Variants in IRAK1BP1 observed in about 807,000 individuals in gnomAD.
IRAK1BP1 encodes interleukin 1 receptor associated kinase 1 binding protein 1.
A neutral mutation model predicts 28.0 loss-of-function variants in IRAK1BP1; 24 were observed. That is an observed-to-expected ratio of 0.86 (90% CI 0.62 to 1.20). The LOEUF is 1.20. Among genes scored for constraint, IRAK1BP1 ranks in the 50% most tolerant of loss-of-function variants. The pLI is 0.00. For synonymous variants in IRAK1BP1, 131 were observed against 116.3 expected (o/e 1.13, Z -0.81); for missense variants, 336 against 316.7 (o/e 1.06, Z -0.46).
chr6:78,963,197 T>C, the IRAK1BP1 span: 1 of 1,610,716 alleles, frequency 6.2e-7, no homozygotes, highest in Non-Finnish European at 8.5e-7. Context: ...AGATTAGTGA[T>C]CTGCACTCAC....
rs537747033 is a variant in IRAK1BP1 at position 78,945,738 on chromosome 6, T to A, written c.*398T>A. The A allele has an allele frequency of 1.3e-4, 81 of 601,352 alleles. No homozygotes were observed. In the South Asian group the frequency reaches 1.7e-3, roughly 13 times the overall value. 37.3% of individuals were successfully genotyped at this position (601,352 alleles called of 1,614,324 possible). On this transcript the variant is annotated 3_prime_UTR_variant and NMD_transcript_variant, in exon 5 of 5. Transcript: ENST00000606868. ...ATTTCGAAGGCAAGTCTTGGCAAATTGCTAGCTAGTGTGGGTACTGTGATT... is the reference window on the plus strand; with the variant it reads ...ATTTCGAAGGCAAGTCTTGGCAAATAGCTAGCTAGTGTGGGTACTGTGATT...
At chr6:78,931,771 A>T (rs1273032718) in intron 4 of IRAK1BP1, among the ~76,000 whole-genome samples, 1 of 152,166 alleles carries the variant, frequency 6.6e-6, no homozygotes, top group Non-Finnish European at 1.5e-5. Flanking sequence ...TCTCGCTCCA[A>T]TGTTGATGCC....
intron 2 of IRAK1BP1, among the ~76,000 whole-genome samples, chr6:78,893,106 C>T (rs906625547): frequency 2.0e-5 from 3 of 150,666 alleles, no homozygotes; most frequent in Admixed American, 6.6e-5. Context: ...TGCACCAGTA[C>T]ACATTATAAT....
chr6:78,955,616 A>C, the IRAK1BP1 span: 2 of 960,518 alleles, frequency 2.1e-6, no homozygotes, highest in Non-Finnish European at 3.3e-6. Context: ...TACATACCTC[A>C]GAATCAGACA....
intron 4 of IRAK1BP1, among the ~76,000 whole-genome samples, chr6:78,934,778 C>A (rs150699408): frequency 6.6e-6 from 1 of 152,174 alleles, no homozygotes; most frequent in Non-Finnish European, 1.5e-5. Flanking sequence ...CTCTGAGATA[C>A]GACTTTGCTG....
intron 4 of IRAK1BP1, among the ~76,000 whole-genome samples, chr6:78,918,578 T>TAAAAA (rs58669467): frequency 0.078 from 5,202 of 66,622 alleles, 287 homozygotes; most frequent in Non-Finnish European, 0.088. Flanking sequence ...CCAAAAACAG[T>TAAAAA]AAAAAAAAAA....
downstream of IRAK1BP1, among the ~76,000 whole-genome samples, chr6:78,951,271 A>T (rs1382477927): frequency 6.6e-6 from 1 of 152,178 alleles, no homozygotes; most frequent in Non-Finnish European, 1.5e-5. Context: ...TTCTTGGCTC[A>T]TATCTTGGGC....
At position 78,902,890 on chromosome 6, in the gene IRAK1BP1, A is replaced by T. The variant is rs1168913320; in HGVS notation, c.*4556A>T. 6.1e-6 allele frequency: 4 copies of T among 654,640 alleles called. No homozygotes were observed. Among genetic ancestry groups the T allele is most frequent in the African/African-American group, 5.4e-5 (3 of 55,070 alleles). 40.6% of individuals were successfully genotyped at this position (654,640 alleles called of 1,614,324 possible). On this transcript the variant is annotated 3_prime_UTR_variant, in exon 4 of 4. Coordinates refer to ENST00000369940, the MANE Select transcript of IRAK1BP1 (RefSeq NM_001010844.4). ...TTCAAATCAGACACTGCTCTTCAAG[A>T]GAGGTAATATTAATAGAAATCTTTC...
At chr6:78,883,030 A>G (rs940898723) in intron 1 of IRAK1BP1, among the ~76,000 whole-genome samples, 60 of 152,218 alleles carry the variant, frequency 3.9e-4, no homozygotes, top group African/African-American at 1.4e-3. Flanking sequence ...TCTAAGGTGG[A>G]AGGATCACTT....
chr6:78,873,840 G>C (rs1770887966), intron 1 of IRAK1BP1, among the ~76,000 whole-genome samples: 1 of 152,172 alleles, frequency 6.6e-6, no homozygotes, highest in Admixed American at 6.5e-5. Flanking sequence ...TATGTGTACT[G>C]TGCTTGGAAT....
chr6:78,978,695 T>A, the IRAK1BP1 span: 306 of 1,597,332 alleles, frequency 1.9e-4, no homozygotes, highest in Non-Finnish European at 2.4e-4. Context: ...TTCAGTTAGT[T>A]CTCCCACAGC....
In IRAK1BP1 at chr6:78,902,931, C is replaced by T. The variant is rs1772154593; in HGVS notation, c.*4597C>T. The stretch of plus-strand genomic sequence containing the variant: ...GAAATCTTTCAAGAAGGATTGTTTT[C>T]TACTATTAAAACAATAAAACTCTTA... On this transcript the variant is annotated 3_prime_UTR_variant, in exon 4 of 4. Coordinates refer to ENST00000369940, the MANE Select transcript of IRAK1BP1 (RefSeq NM_001010844.4). The T allele has an allele frequency of 2.4e-6, 2 of 828,164 alleles. No homozygotes were observed. The highest frequency in any genetic ancestry group is 1.7e-5 in the African/African-American group (1 of 58,484). The allele number at this position is 828,164 out of a possible 1,614,324, so 51.3% of individuals were successfully genotyped here.
intron 4 of IRAK1BP1, chr6:78,938,323 GTAAA>G (rs1195332796): frequency 4.0e-5 from 6 of 151,542 alleles, no homozygotes; most frequent in African/African-American, 1.5e-4. Context: ...AGGAAAGATG[GTAAA>G]TACTCATTTC....
rs147837309 is a variant in IRAK1BP1 at position 78,898,815 on chromosome 6, A to G, written c.*481A>G. 1.3e-3 allele frequency: 204 copies of G among 152,262 alleles called. No homozygotes were observed. Among genetic ancestry groups the G allele is most frequent in the African/African-American group, 4.6e-3 (191 of 41,568 alleles). 9.4% of individuals were successfully genotyped at this position (152,262 alleles called of 1,614,324 possible). On this transcript the variant is annotated 3_prime_UTR_variant, in exon 4 of 4. Transcript: ENST00000369940. ...GAATTCCTATATCCCATCAAACCTAATAATTTTCCACAACTAAAAATGAGT... is the reference window on the plus strand; with the variant it reads ...GAATTCCTATATCCCATCAAACCTAGTAATTTTCCACAACTAAAAATGAGT...
Position 78,898,295 on chromosome 6 carries a change from T to G in IRAK1BP1, c.744T>G (p.Phe248Leu), listed in dbSNP as rs751060227. 6.2e-7 allele frequency: 1 copy of G among 1,604,612 alleles called. No individual in the cohort carries two copies. Among genetic ancestry groups the G allele is most frequent in the Non-Finnish European group, 8.5e-7 (1 of 1,175,308 alleles). ...CTGCTTCAAAAGTATTTATAACTTT[T>G]GAGGTAAAGGGAAAAGAGAAGAGAA... Reference protein sequence around the residue: ...IHAASKVFITFEVKGKEKRKK... With the variant: ...IHAASKVFITLEVKGKEKRKK... Residue 248 changes from phenylalanine (F) to leucine (L), a missense_variant, in exon 4 of 4, where the codon TTT becomes TTG. Physicochemically the swap from Phe to Leu is conservative, Grantham distance 22. Coordinates refer to ENST00000369940, the MANE Select transcript of IRAK1BP1 (RefSeq NM_001010844.4).
chr6:78,872,141 T>G, intron 1 of IRAK1BP1: 1 of 700,412 alleles, frequency 1.4e-6, no homozygotes, highest in Non-Finnish European at 2.6e-6. Flanking sequence ...CTGAGGTATG[T>G]GTTCCACCCT....
chr6:78,960,024 G>A, the IRAK1BP1 span, among the ~76,000 whole-genome samples: 1 of 152,066 alleles, frequency 6.6e-6, no homozygotes, highest in Non-Finnish European at 1.5e-5. Flanking sequence ...TCATGATCAC[G>A]TGGCTGACTG....
chr6:78,939,751 T>C (rs1387347966), intron 4 of IRAK1BP1: 1 of 152,204 alleles, frequency 6.6e-6, no homozygotes, highest in Non-Finnish European at 1.5e-5. Context: ...TTTCCTGTAT[T>C]TTCCTTGAAT....
intron 2 of IRAK1BP1, among the ~76,000 whole-genome samples, chr6:78,894,552 A>G (rs1290697447): frequency 1.3e-5 from 2 of 152,228 alleles, no homozygotes; most frequent in Non-Finnish European, 2.9e-5. Flanking sequence ...CATATAATAA[A>G]GCTTCAAAAT....
Sources: gnomAD v4.1 joint callset for allele counts (sites outside exome capture counted in the v4.1 genomes callset) on GRCh38, gnomAD v4.1.1 for gene constraint, MANE v1.5 for transcripts, NCBI Gene and HGNC (gene_info 2026-07-23, HGNC 2026-07-21) for gene names.